The following WDR90 variants were observed in gnomAD, a reference collection of about 807,000 sequenced individuals.
WDR90 encodes the protein WD repeat-containing protein 90.
In WDR90, 238 loss-of-function variants were observed where a neutral mutation model predicts 195.2. The observed-to-expected ratio is 1.22, with a 90% confidence interval of 1.10 to 1.36. WDR90 has a LOEUF of 1.36. Among genes scored for constraint, WDR90 ranks in the 40% most tolerant of loss-of-function variants. The pLI, the probability that WDR90 is intolerant of heterozygous loss-of-function variation, is 0.00. For missense variants in WDR90, 2,734 were observed against 2,439.5 expected (o/e 1.12, Z -2.54); for synonymous variants, 1,265 against 1,052.4 (o/e 1.20, Z -3.91).
rs374811415 is a variant in WDR90 at position 655,103 on chromosome 16, C to G, written c.1512C>G (p.Asp504Glu). ...TCGTTCTGGCAAAGGCGCACACTGA[C>G]TTTGACGTCCAGGCCTTCCGGGTCA... ...EVVVLAKAHT[D>E]FDVQAFRVTF... The change falls in exon 14 of 41, where the codon GAC becomes GAG. Residue 504 changes from aspartate (D) to glutamate (E), a missense_variant. Physicochemically the swap from Asp to Glu is conservative, Grantham distance 45 (BLOSUM62 2). Transcript: ENST00000293879. The G allele has an allele frequency of 2.5e-6, 4 of 1,612,848 alleles. No homozygotes were observed. The highest frequency in any genetic ancestry group is 3.4e-6 in the Non-Finnish European group (4 of 1,179,866).
chr16:665,574 C>G (rs1212536492), intron 34 of WDR90, 105 bp from the exon 35 acceptor site: 1 of 1,578,822 alleles, frequency 6.3e-7, no homozygotes, highest in South Asian at 1.1e-5. Context: ...GAGGCACATG[C>G]TCTGGTTTGG....
At position 656,356 on chromosome 16, in the gene WDR90, T is replaced by G; in HGVS notation, c.2021T>G (p.Leu674Arg). 6.2e-7 allele frequency: 1 copy of G among 1,609,688 alleles called. No homozygotes were observed. Among genetic ancestry groups the G allele is most frequent in the South Asian group, 1.1e-5 (1 of 90,976 alleles). ...VCVSPDGLRV[L>R]SATSSGHLGF... ...GTCAGCCCCGATGGCCTCCGTGTGCTGTCTGCCACCTCCTCGGGCCACCTG... is the reference window on the plus strand; with the variant it reads ...GTCAGCCCCGATGGCCTCCGTGTGCGGTCTGCCACCTCCTCGGGCCACCTG... The change falls in exon 18 of 41, where the codon CTG becomes CGG. Residue 674 changes from leucine to arginine, a missense_variant. Physicochemically the swap from Leu to Arg is moderately radical, Grantham distance 102. Transcript: ENST00000293879.
At position 658,914 on chromosome 16, in the gene WDR90, G is replaced by A. The variant is rs757791210; in HGVS notation, c.2914G>A (p.Glu972Lys). The change falls in exon 24 of 41, where the codon GAA (glutamate) becomes AAA (lysine). Residue 972 changes from glutamate (E) to lysine (K), a missense_variant. Glu to Lys is a moderately conservative substitution (Grantham distance 56). Coordinates refer to ENST00000293879, the MANE Select transcript of WDR90 (RefSeq NM_145294.5). Reference sequence around the variant, plus strand: ...CCCCTAGGTGTACATCGGCCACTCGGAACCCGTGCAGGCTGTGGCCTTCTC... The same window carrying A: ...CCCCTAGGTGTACATCGGCCACTCGAAACCCGTGCAGGCTGTGGCCTTCTC... ...PGPQVYIGHS[E>K]PVQAVAFSPD... 3.1e-6 allele frequency: 5 copies of A among 1,612,332 alleles called. No individual in the cohort carries two copies. Among genetic ancestry groups the A allele is most frequent in the Non-Finnish European group, 4.2e-6 (5 of 1,179,976 alleles).
In WDR90 at chr16:655,365, C is replaced by T. The variant is rs1229208985; in HGVS notation, c.1615C>T (p.Arg539Cys). ...RLWRLRGGVL[R>C]SCPVDLGEHH... is the part of the protein sequence containing the mutation. ...CTGGCGGCTGCGTGGCGGGGTGCTG[C>T]GTTCCTGCCCCGTGGACTTAGGGGA... is the stretch of plus-strand genomic sequence containing the variant. The change falls in exon 15 of 41, where the codon CGT (arginine) becomes TGT (cysteine). Residue 539 changes from arginine to cysteine, a missense_variant. Transcript: ENST00000293879. 8.1e-6 allele frequency: 13 copies of T among 1,600,886 alleles called. No homozygotes were observed. The Admixed American group carries it at 8.4e-5, about 10-fold the overall frequency.
chr16:657,877 G>C lies in WDR90; in HGVS notation c.2589G>C (p.Ser863=), dbSNP rs774693920. 4 of 1,583,144 alleles carry C rather than the reference G, an allele frequency of 2.5e-6. No homozygotes were observed. Among genetic ancestry groups the C allele is most frequent in the East Asian group, 4.6e-5 (2 of 43,574 alleles). Reference sequence around the variant, plus strand: ...GGTGCACAGTGACAGTCATGGGCTCGGCCTCCCTTGATGAGGTGAGTCCGC... The same window carrying C: ...GGTGCACAGTGACAGTCATGGGCTCCGCCTCCCTTGATGAGGTGAGTCCGC... ...PSRCTVTVMG[S]ASLDELLRVD... The change falls in exon 21 of 41, where the codon TCG becomes TCC. Residue 863 remains serine (S), a synonymous_variant. Coordinates refer to ENST00000293879, the MANE Select transcript of WDR90 (RefSeq NM_145294.5).
At chr16:658,037 C>T in intron 21 of WDR90, 145 bp downstream of exon 21, 2 of 1,448,728 alleles carry the variant, frequency 1.4e-6, no homozygotes, top group Non-Finnish European at 1.8e-6. Context: ...CCATGTGGGG[C>T]CCACGTGCGG....
rs2037819674 is a variant in WDR90 at position 658,806 on chromosome 16, CTG to C, written c.2896-85_2896-84del. 4.5e-6 allele frequency: 7 copies of C among 1,569,380 alleles called. No individual in the cohort carries two copies. In the African/African-American group the frequency reaches 6.7e-5, roughly 15 times the overall value. On this transcript the variant is annotated intron_variant, in intron 23 of 40. Coordinates refer to ENST00000293879, the MANE Select transcript of WDR90 (RefSeq NM_145294.5). ...TCCTCTGTGCCTCCGGGGCCTCACA[CTG>C]TGTGGGGCTCACCGTCCCTGGGGAC...
Position 657,906 on chromosome 16 carries a change from C to T in WDR90, c.2604+14C>T. The T allele has an allele frequency of 1.3e-6, 2 of 1,547,198 alleles. No individual in the cohort carries two copies. The highest frequency in any genetic ancestry group is 1.4e-5 in the African/African-American group (1 of 73,310). The stretch of plus-strand genomic sequence containing the variant: ...TCCCTTGATGAGGTGAGTCCGCAGC[C>T]CTCCTGGGTCCAGGGAGACTGGGCC... On this transcript the variant is annotated intron_variant, in intron 21 of 40. Coordinates refer to ENST00000293879, the MANE Select transcript of WDR90 (RefSeq NM_145294.5).
Position 658,163 on chromosome 16 carries a change from C to G in WDR90, c.2605-20C>G. 4 of 1,599,228 alleles carry G rather than the reference C, an allele frequency of 2.5e-6. No homozygotes were observed. Among genetic ancestry groups the G allele is most frequent in the Non-Finnish European group, 3.4e-6 (4 of 1,171,162 alleles). On this transcript the variant is annotated intron_variant, in intron 21 of 40. Transcript: ENST00000293879. The stretch of plus-strand genomic sequence containing the variant: ...TCTGCCCAGGGGCCCTGACTGTCGG[C>G]CACTTACCACTACCCCCAGCTGCTG...
In WDR90 at chr16:658,575, C is replaced by T. The variant is rs375770152; in HGVS notation, c.2817C>T (p.Asp939=). ...EPCPSLTLSE[D]ARFLLIAAGR... ...GCCCCTCCTTGACGCTCAGTGAGGA[C>T]GCCCGCTTCCTGCTGATTGCCGCCG... is the stretch of plus-strand genomic sequence containing the variant. Residue 939 remains aspartate (D), a synonymous_variant, in exon 23 of 41, where the codon GAC becomes GAT. Coordinates refer to ENST00000293879, the MANE Select transcript of WDR90 (RefSeq NM_145294.5). 224 of 1,612,734 alleles carry T rather than the reference C, an allele frequency of 1.4e-4. 4 individuals are homozygous for T. In the South Asian group the frequency reaches 1.5e-3, roughly 11 times the overall value.
rs1389658577 is a variant in WDR90 at position 656,450 on chromosome 16, C to T, written c.2115C>T (p.Ala705=). 1.2e-6 allele frequency: 2 copies of T among 1,600,778 alleles called. No homozygotes were observed. The highest frequency in any genetic ancestry group is 1.7e-6 in the Non-Finnish European group (2 of 1,176,638). The stretch of plus-strand genomic sequence containing the variant: ...GCTCCCACACCGCCCCGGTGTTGGC[C>T]CTCGCCATGGAGCAGAGGCGGGGAC... ...LARSHTAPVL[A]LAMEQRRGQL... The change falls in exon 18 of 41, where the codon GCC becomes GCT. Residue 705 remains alanine (A), a synonymous_variant. Coordinates refer to ENST00000293879, the MANE Select transcript of WDR90 (RefSeq NM_145294.5).
At chr16:650,466 G>A in intron 4 of WDR90, 73 bp from the exon 5 acceptor site, 1 of 1,587,900 alleles carries the variant, frequency 6.3e-7, no homozygotes, top group Non-Finnish European at 8.6e-7. Flanking sequence ...CCTGGCGGGG[G>A]CACAAGCTCA....
chr16:661,004 C>CCTGTTCGGCCCTCCCCAGG, intron 28 of WDR90, 47 bp from the exon 29 acceptor site: 1 of 87,634 alleles, frequency 1.1e-5, no homozygotes, highest in South Asian at 1.1e-4. Flanking sequence ...CTCCCCGCCC[C>CCTGTTCGGCCCTCCCCAGG]CCCCCCCCCC....
chr16:662,350 C>T lies in WDR90; in HGVS notation c.4145+19C>T, dbSNP rs752905854. Reference sequence around the variant, plus strand: ...GCGCCAGGTGAGCTGTTCACCCCTACGTGTTTTGGCTGCACGTGGGTGTTG... The same window carrying T: ...GCGCCAGGTGAGCTGTTCACCCCTATGTGTTTTGGCTGCACGTGGGTGTTG... On this transcript the variant is annotated intron_variant, in intron 33 of 40. Transcript: ENST00000293879. The T allele has an allele frequency of 8.4e-6, 13 of 1,548,196 alleles. No individual in the cohort carries two copies. The highest frequency in any genetic ancestry group is 7.3e-5 in the East Asian group (3 of 41,342).
chr16:656,620 A>T (rs1418056807), intron 18 of WDR90, 83 bp downstream of exon 18: 2 of 1,574,908 alleles, frequency 1.3e-6, no homozygotes, highest in East Asian at 4.5e-5. Context: ...AGAGGGGCCT[A>T]TAGGGACCTG....
At position 659,297 on chromosome 16, in the gene WDR90, C is replaced by G. The variant is rs2037839239; in HGVS notation, c.3105C>G (p.Pro1035=). 3 of 1,602,980 alleles carry G rather than the reference C, an allele frequency of 1.9e-6. No individual in the cohort carries two copies. The highest frequency in any genetic ancestry group is 1.7e-6 in the Non-Finnish European group (2 of 1,175,716). Residue 1035 remains proline (P), a synonymous_variant, in exon 26 of 41, where the codon CCC becomes CCG. Transcript: ENST00000293879. ...EDAASRASEL[P]RQQVPKPCQA... ...CAGCGTCCAGGGCCAGCGAGCTCCC[C>G]CGGCAGCAGGTCCCCAAGCCATGTC...
Position 666,683 on chromosome 16 carries a change from A to G in WDR90, c.4895A>G (p.His1632Arg), listed in dbSNP as rs764807469. The G allele has an allele frequency of 6.2e-7, 1 of 1,612,632 alleles. No individual in the cohort carries two copies. The highest frequency in any genetic ancestry group is 1.7e-5 in the Admixed American group (1 of 60,004). ...PMPATTETQG[H>R]LPPSLAAFCP... ...GCTGCGCCTTTGCAGACTCAGGGCC[A>G]CCTGCCACCCTCCCTCGCTGCCTTC... The change falls in exon 39 of 41, where the codon CAC becomes CGC. Residue 1632 changes from histidine to arginine, a missense_variant. By Grantham distance (29) the His-to-Arg change is conservative. Transcript: ENST00000293879.
chr16:656,210 G>A (rs1030186452), intron 17 of WDR90, 92 bp from the exon 18 acceptor site: 2 of 1,185,366 alleles, frequency 1.7e-6, no homozygotes, highest in African/African-American at 1.5e-5. Flanking sequence ...GCAGCAGGGA[G>A]TGCATTTGCT....
At chr16:662,876 G>C (rs765331419) in intron 34 of WDR90, 32 bp downstream of exon 34, 3 of 1,537,130 alleles carry the variant, frequency 2.0e-6, no homozygotes, top group Non-Finnish European at 2.6e-6. Context: ...CAGAGGCGGG[G>C]CAGCCGAACC....
Sources: gnomAD v4.1 joint callset for allele counts on GRCh38, gnomAD v4.1.1 for gene constraint, MANE v1.5 for transcripts, NCBI Gene and HGNC (gene_info 2026-07-23, HGNC 2026-07-21) for gene names.